DCLK2: variants seen among roughly 807,000 people sequenced by gnomAD.
The protein encoded by DCLK2 is serine/threonine-protein kinase DCLK2.
Under a neutral mutation model 78.4 loss-of-function variants are expected in DCLK2, and 31 were observed. The observed-to-expected ratio is 0.40, with a 90% confidence interval of 0.30 to 0.53. DCLK2 has a LOEUF of 0.53. DCLK2 is among the 20% of genes least tolerant of loss of function. The pLI, the probability that DCLK2 is intolerant of heterozygous loss-of-function variation, is 0.61. For synonymous variants in DCLK2, 407 were observed against 374.9 expected (o/e 1.09, Z -0.99); for missense variants, 872 against 973.7 (o/e 0.90, Z 1.39).
intron 2 of DCLK2, among the ~76,000 whole-genome samples, chr4:150,187,822 A>T (rs1292994173): frequency 8.0e-6 from 1 of 124,786 alleles, no homozygotes; most frequent in African/African-American, 3.1e-5. Context: ...TTTTTTTGTG[A>T]CAGAGTCTTG....
chr4:150,163,326 A>G (rs1297511915), intron 2 of DCLK2, among the ~76,000 whole-genome samples: 3 of 152,158 alleles, frequency 2.0e-5, no homozygotes, highest in Non-Finnish European at 4.4e-5. Flanking sequence ...TGGACCTGGG[A>G]GGCAGAGGTT....
chr4:150,148,931 G>C (rs1158945066), intron 2 of DCLK2, among the ~76,000 whole-genome samples: 2 of 151,548 alleles, frequency 1.3e-5, no homozygotes, highest in Admixed American at 1.3e-4. Context: ...TACTGGGGAG[G>C]CTGAGATGAG....
At chr4:150,097,821 G>A (rs184000516) in intron 1 of DCLK2, among the ~76,000 whole-genome samples, 202 of 152,132 alleles carry the variant, frequency 1.3e-3, no homozygotes, top group African/African-American at 4.7e-3. Context: ...TCATATGATC[G>A]GGATTTGCAA....
intron 2 of DCLK2, among the ~76,000 whole-genome samples, chr4:150,129,236 A>G (rs1202720717): frequency 6.6e-6 from 1 of 152,162 alleles, no homozygotes; most frequent in Non-Finnish European, 1.5e-5. Context: ...ACAAAAGAAA[A>G]TAATACTTTT....
chr4:150,081,863 C>T (rs1045798207), intron 1 of DCLK2, among the ~76,000 whole-genome samples: 7 of 149,684 alleles, frequency 4.7e-5, no homozygotes, highest in Admixed American at 2.7e-4. Context: ...CCGGGTGTGG[C>T]GGCAGGCGCC....
intron 2 of DCLK2, among the ~76,000 whole-genome samples, chr4:150,122,817 TTGC>T (rs1473170525): frequency 6.6e-6 from 1 of 152,278 alleles, no homozygotes; most frequent in Non-Finnish European, 1.5e-5. Context: ...TCTGGATAAC[TTGC>T]TGCAGCTTTT....
chr4:150,157,498 TTTG>T (rs1735385971), intron 2 of DCLK2, among the ~76,000 whole-genome samples: 1 of 78,510 alleles, frequency 1.3e-5, no homozygotes, highest in Admixed American at 1.2e-4. Flanking sequence ...TTTTTGTTTG[TTTG>T]TTTGTTTGTT....
At chr4:150,210,708 G>A (rs975946281) in intron 5 of DCLK2, among the ~76,000 whole-genome samples, 8 of 152,162 alleles carry the variant, frequency 5.3e-5, no homozygotes, top group African/African-American at 9.7e-5. Flanking sequence ...AGCACTTTGG[G>A]AGGCCGAGGT....
chr4:150,085,553 T>G (rs187750427), intron 1 of DCLK2, among the ~76,000 whole-genome samples: 236 of 152,264 alleles, frequency 1.5e-3, no homozygotes, highest in African/African-American at 5.5e-3. Flanking sequence ...GCCTCACTTG[T>G]TAATATTGTT....
At position 150,089,902 on chromosome 4, in the gene DCLK2, A is replaced by G. The variant is rs75432324; in HGVS notation, c.421+10454A>G. 1.4e-3 allele frequency among the ~76,000 whole-genome samples: 215 copies of G among 152,300 alleles called. 1 individual carries two copies. The highest frequency in any genetic ancestry group is 4.9e-3 in the African/African-American group (203 of 41,554). On this transcript the variant is annotated intron_variant, in intron 1 of 15. Coordinates refer to ENST00000296550, the MANE Select transcript of DCLK2 (RefSeq NM_001040260.4). ...TGTAATGAGTCAGTTTTGCACAGCT[A>G]ATGAGTATTCCTGTAGAGCAAAATT...
At chr4:150,225,282 A>G (rs1229141884) in intron 8 of DCLK2, among the ~76,000 whole-genome samples, 2 of 152,240 alleles carry the variant, frequency 1.3e-5, no homozygotes, top group African/African-American at 4.8e-5. Context: ...ACAGAAGCTG[A>G]TGCATCATGA....
chr4:150,255,954 G>T, intron 15 of DCLK2, 66 bp from the exon 16 acceptor site: 2 of 1,572,160 alleles, frequency 1.3e-6, no homozygotes, highest in South Asian at 2.4e-5. Context: ...TGTGCTCTCT[G>T]CTCGTGGCAG....
chr4:150,171,583 T>A (rs1580642189), intron 2 of DCLK2, among the ~76,000 whole-genome samples: 1 of 152,338 alleles, frequency 6.6e-6, no homozygotes, highest in Non-Finnish European at 1.5e-5. Context: ...GCATATTTAA[T>A]GCAGAAAGCA....
At chr4:150,157,541 C>A (rs1016813287) in intron 2 of DCLK2, among the ~76,000 whole-genome samples, 1 of 149,400 alleles carries the variant, frequency 6.7e-6, no homozygotes, top group Non-Finnish European at 1.5e-5. Context: ...GAGCTGGAGT[C>A]TCTCTCTCTT....
chr4:150,202,669 T>G (rs957773940), intron 4 of DCLK2, among the ~76,000 whole-genome samples: 1 of 152,310 alleles, frequency 6.6e-6, no homozygotes, highest in Middle Eastern at 3.4e-3. Flanking sequence ...CGCTCTCTCA[T>G]CTTTTCTTTA....
Position 150,238,158 on chromosome 4 carries a change from A to G in DCLK2, c.1567-1584A>G, listed in dbSNP as rs189380545. On this transcript the variant is annotated intron_variant, in intron 10 of 15. Transcript: ENST00000296550. Reference sequence around the variant, plus strand: ...ATAAAGAAAATTAAATTAATCCTTCATGCTACCACTTAGAGATAAACTTGT... The same window carrying G: ...ATAAAGAAAATTAAATTAATCCTTCGTGCTACCACTTAGAGATAAACTTGT... Among the ~76,000 whole-genome samples the G allele has an allele frequency of 3.9e-4, 60 of 152,344 alleles. 1 individual carries two copies. Among genetic ancestry groups the G allele is most frequent in the Admixed American group, 3.1e-3 (47 of 15,304 alleles).
At chr4:150,108,251 G>A (rs1057243832) in intron 2 of DCLK2, among the ~76,000 whole-genome samples, 1 of 152,042 alleles carries the variant, frequency 6.6e-6, no homozygotes, top group Non-Finnish European at 1.5e-5. Flanking sequence ...GCTCACGCCT[G>A]TAATCCCAGC....
intron 2 of DCLK2, among the ~76,000 whole-genome samples, chr4:150,191,295 A>G (rs1272664517): frequency 6.6e-6 from 1 of 152,036 alleles, no homozygotes; most frequent in Non-Finnish European, 1.5e-5. Flanking sequence ...CTGAGGGCTG[A>G]GTGGTACGTG....
chr4:150,187,535 T>C (rs1002406600), intron 2 of DCLK2, among the ~76,000 whole-genome samples: 9 of 152,246 alleles, frequency 5.9e-5, no homozygotes, highest in African/African-American at 2.2e-4. Flanking sequence ...GCACCCATCC[T>C]CTGCATTCAC....
Sources: gnomAD v4.1 joint callset for allele counts (sites outside exome capture counted in the v4.1 genomes callset) on GRCh38, gnomAD v4.1.1 for gene constraint, MANE v1.5 for transcripts, NCBI Gene and HGNC (gene_info 2026-07-23, HGNC 2026-07-21) for gene names.